PRKCE: variants seen among roughly 807,000 people sequenced by gnomAD.
PRKCE encodes protein kinase C epsilon type.
Under a neutral mutation model 85.4 loss-of-function variants are expected in PRKCE, and 16 were observed. The ratio of observed to expected loss-of-function variants is 0.19; its 90% confidence interval spans 0.13 to 0.28. PRKCE has a LOEUF of 0.28. Ranked by LOEUF, PRKCE falls within the 10% of genes least tolerant of loss-of-function variation. The pLI is 1.00. For synonymous variants in PRKCE, 388 were observed against 371.5 expected (o/e 1.04, Z -0.51); for missense variants, 573 against 975.2 (o/e 0.59, Z 5.49).
intron 1 of PRKCE, among the ~76,000 whole-genome samples, chr2:45,667,274 G>A (rs1338631976): frequency 1.3e-5 from 2 of 152,026 alleles, no homozygotes; most frequent in African/African-American, 4.8e-5. Context: ...TCACACCACT[G>A]CACTCCAGCC....
intron 1 of PRKCE, among the ~76,000 whole-genome samples, chr2:45,664,906 G>A (rs544418539): frequency 6.6e-6 from 1 of 152,322 alleles, no homozygotes; most frequent in South Asian, 2.1e-4. Flanking sequence ...TACCATGTGA[G>A]TCTTATATAT....
chr2:45,849,470 A>T (rs968257545), intron 2 of PRKCE, among the ~76,000 whole-genome samples: 1 of 152,144 alleles, frequency 6.6e-6, no homozygotes, highest in African/African-American at 2.4e-5. Flanking sequence ...TCAAGCCCAG[A>T]TACTCCCACG....
At chr2:46,028,858 T>C (rs1707317212) in intron 10 of PRKCE, among the ~76,000 whole-genome samples, 2 of 152,178 alleles carry the variant, frequency 1.3e-5, no homozygotes, top group Non-Finnish European at 2.9e-5. Flanking sequence ...CCCCTCTATG[T>C]GTCCATGTAT....
intron 2 of PRKCE, among the ~76,000 whole-genome samples, chr2:45,859,057 T>C (rs1336749187): frequency 7.0e-6 from 1 of 143,722 alleles, no homozygotes; most frequent in Non-Finnish European, 1.5e-5. Context: ...AATAAATAAA[T>C]AAATAAATAA....
At chr2:46,015,488 A>G (rs1169523067) in intron 10 of PRKCE, among the ~76,000 whole-genome samples, 1 of 152,164 alleles carries the variant, frequency 6.6e-6, no homozygotes, top group Non-Finnish European at 1.5e-5. Flanking sequence ...GGTGAACTAG[A>G]GAATCTCCCT....
intron 1 of PRKCE, among the ~76,000 whole-genome samples, chr2:45,770,152 C>G (rs141480968): frequency 6.6e-6 from 1 of 152,334 alleles, no homozygotes; most frequent in East Asian, 1.9e-4. Context: ...GTAGTGTATG[C>G]TCCAGCCCTC....
intron 10 of PRKCE, among the ~76,000 whole-genome samples, chr2:46,064,315 T>C (rs12993843): frequency 0.19 from 29,134 of 149,938 alleles, 3,502 homozygotes; most frequent in Non-Finnish European, 0.27. Context: ...AAAAGAAAAT[T>C]GTTAACTGCC....
chr2:46,032,758 T>C (rs1431492567), intron 10 of PRKCE, among the ~76,000 whole-genome samples: 6 of 152,362 alleles, frequency 3.9e-5, no homozygotes, highest in Non-Finnish European at 8.8e-5. Context: ...ATCCTCTCCA[T>C]AATTTTCTCT....
At chr2:45,965,226 C>A (rs1265144930) in intron 2 of PRKCE, among the ~76,000 whole-genome samples, 1 of 152,214 alleles carries the variant, frequency 6.6e-6, no homozygotes, top group Non-Finnish European at 1.5e-5. Context: ...TGTGAGTACA[C>A]ATGTAGAACA....
intron 1 of PRKCE, among the ~76,000 whole-genome samples, chr2:45,803,875 G>T (rs1207270430): frequency 6.6e-6 from 1 of 152,178 alleles, no homozygotes; most frequent in Non-Finnish European, 1.5e-5. Context: ...CCATGAAATA[G>T]TCTGTCTAAA....
chr2:45,794,963 C>CTGCTGTTGTTGGTTTGT (rs1327995749), intron 1 of PRKCE, among the ~76,000 whole-genome samples: 1 of 151,650 alleles, frequency 6.6e-6, no homozygotes, highest in African/African-American at 2.4e-5. Flanking sequence ...GACTCCGCTT[C>CTGCTGTTGTTGGTTTGT]TGCTGTTGTT....
At chr2:46,141,436 A>T (rs562702911) in intron 11 of PRKCE, among the ~76,000 whole-genome samples, 1 of 152,230 alleles carries the variant, frequency 6.6e-6, no homozygotes, top group Non-Finnish European at 1.5e-5. Flanking sequence ...TTATATGTAA[A>T]GTATGATCAA....
At chr2:45,832,663 C>T (rs746809583) in intron 1 of PRKCE, among the ~76,000 whole-genome samples, 1 of 152,162 alleles carries the variant, frequency 6.6e-6, no homozygotes, top group Non-Finnish European at 1.5e-5. Flanking sequence ...CAGCTCACAA[C>T]GTGTTCTTTC....
intron 10 of PRKCE, among the ~76,000 whole-genome samples, chr2:46,027,750 A>T (rs1707222583): frequency 6.6e-6 from 1 of 152,144 alleles, no homozygotes; most frequent in African/African-American, 2.4e-5. Flanking sequence ...TGGCAGTATG[A>T]TCTGTCTCAA....
chr2:46,081,437 C>T (rs951331076), intron 10 of PRKCE, among the ~76,000 whole-genome samples: 9 of 152,226 alleles, frequency 5.9e-5, no homozygotes, highest in Non-Finnish European at 1.2e-4. Context: ...ACCAACAGTT[C>T]CTGCCCTCAT....
chr2:45,955,449 G>C (rs1457828794), intron 2 of PRKCE, among the ~76,000 whole-genome samples: 1 of 152,112 alleles, frequency 6.6e-6, no homozygotes, highest in Admixed American at 6.5e-5. Context: ...GTTAATACCT[G>C]ATGCCCCAGC....
At position 46,007,571 on chromosome 2, in the gene PRKCE, G is replaced by A. The variant is rs370478225; in HGVS notation, c.1173G>A (p.Glu391=). 24 of 1,599,700 alleles carry A rather than the reference G, an allele frequency of 1.5e-5. No homozygotes were observed. In the African/African-American group the frequency reaches 2.9e-4, roughly 20 times the overall value. ...ATGGCCAGCTGATGAGCCCCGGTGAGAATGGCGAAGTCCGGCAAGGCCAGG... is the reference window on the plus strand; with the variant it reads ...ATGGCCAGCTGATGAGCCCCGGTGAAAATGGCGAAGTCCGGCAAGGCCAGG... ...SPDGQLMSPG[E]NGEVRQGQAK... is the part of the protein sequence containing the mutation. Residue 391 remains glutamate (E), a synonymous_variant, in exon 9 of 15, where the codon GAG becomes GAA. Coordinates refer to ENST00000306156, the MANE Select transcript of PRKCE (RefSeq NM_005400.3).
At chr2:45,864,353 C>A (rs1274444541) in intron 2 of PRKCE, among the ~76,000 whole-genome samples, 4 of 152,214 alleles carry the variant, frequency 2.6e-5, no homozygotes, top group African/African-American at 9.7e-5. Flanking sequence ...ACAATAACTG[C>A]CCTGGAGAAT....
intron 1 of PRKCE, among the ~76,000 whole-genome samples, chr2:45,820,367 G>C (rs190426420): frequency 1.8e-4 from 27 of 152,138 alleles, no homozygotes; most frequent in African/African-American, 6.5e-4. Context: ...TAATAGATTC[G>C]AGGTGGAAGT....
Sources: gnomAD v4.1 joint callset for allele counts (sites outside exome capture counted in the v4.1 genomes callset) on GRCh38, gnomAD v4.1.1 for gene constraint, MANE v1.5 for transcripts, NCBI Gene and HGNC (gene_info 2026-07-23, HGNC 2026-07-21) for gene names.